Variants in MEX3D observed in about 807,000 individuals in gnomAD.
The protein encoded by MEX3D is RNA-binding protein MEX3D.
MEX3D carries 4 observed loss-of-function variants against 6.3 expected under a neutral mutation model. That is an observed-to-expected ratio of 0.64 (90% CI 0.31 to 1.46). MEX3D has a LOEUF of 1.46. Ranked by LOEUF, MEX3D falls within the 40% of genes most tolerant of loss-of-function variation. MEX3D has a pLI of 0.07. For synonymous variants in MEX3D, 626 were observed against 494.1 expected, an observed-to-expected ratio of 1.27 and a Z score of -3.54; for missense variants, 1,038 against 994.4, an observed-to-expected ratio of 1.04 and a Z score of -0.59.
chr19:1,555,442 TG>T lies in MEX3D; in HGVS notation c.*120del. 1.3e-5 allele frequency: 5 copies of T among 372,106 alleles called. No individual in the cohort carries two copies. Among genetic ancestry groups the T allele is most frequent in the South Asian group, 4.1e-5 (1 of 24,370 alleles). 23.1% of individuals were successfully genotyped at this position (372,106 alleles called of 1,614,324 possible). ...AAACACTGGCCGCCGCCCACCCCCC[TG>T]CCCCCTCGGCCTCCGCCCCTCGCCC... On this transcript the variant is annotated 3_prime_UTR_variant, in exon 2 of 2. Transcript: ENST00000402693.
Position 1,556,859 on chromosome 19 carries a change from C to G in MEX3D, c.660G>C (p.Glu220Asp). ...GGCCGGTCACGATGAAGACCGGCTC[C>G]TCGCCCCGCACTGGGGTCTTGATGT... is the stretch of plus-strand genomic sequence containing the variant. Reference protein sequence around the residue: ...NTYIKTPVRGEEPVFIVTGRK... With the variant: ...NTYIKTPVRGDEPVFIVTGRK... Residue 220 changes from glutamate (E) to aspartate (D), a missense_variant, in exon 2 of 2, where the codon GAG (glutamate) becomes GAC (aspartate). This residue lies in a region of MEX3D where 75 missense variants were observed against 125.1 expected (regional missense o/e 0.60). Transcript: ENST00000402693. The surrounding 1 kb of genome is among the most constrained non-coding windows in gnomAD (Gnocchi z 7.5). 6.2e-7 allele frequency: 1 copy of G among 1,612,560 alleles called. No homozygotes were observed. The highest frequency in any genetic ancestry group is 8.5e-7 in the Non-Finnish European group (1 of 1,179,828).
Position 1,556,969 on chromosome 19 carries a change from CGCA to C in MEX3D, c.596-49_596-47del, listed in dbSNP as rs748203414. On this transcript the variant is annotated intron_variant, in intron 1 of 1. Transcript: ENST00000402693. This position sits in a 1 kb window ranked among gnomAD's most constrained non-coding sequence, Gnocchi z 7.5. ...GGACAAGGTGACCCAGAGCCCCCTG[CGCA>C]GCTCAGCCCCGCTGGGCATGCAGGC... 1 of 1,544,118 alleles carries C rather than the reference CGCA, an allele frequency of 6.5e-7. No individual in the cohort carries two copies. Among genetic ancestry groups the C allele is most frequent in the Non-Finnish European group, 8.7e-7 (1 of 1,151,334 alleles).
At chr19:1,566,824 G>A (rs943158371) in intron 1 of MEX3D, among the ~76,000 whole-genome samples, 2 of 152,228 alleles carry the variant, frequency 1.3e-5, no homozygotes, top group South Asian at 4.1e-4. Flanking sequence ...CCCCACACCC[G>A]GGGCCTGCCG....
Position 1,567,753 on chromosome 19 carries a change from C to G in MEX3D, c.306G>C (p.Val102=). Residue 102 remains valine, a synonymous_variant, in exon 1 of 2, where the codon GTG becomes GTC. Coordinates refer to ENST00000402693, the MANE Select transcript of MEX3D (RefSeq NM_203304.4). This position sits in a 1 kb window ranked among gnomAD's most constrained non-coding sequence, Gnocchi z 6.5. ...GADGGAAPEP[V]PPDGPEAGAP... is the part of the protein sequence containing the mutation. The stretch of plus-strand genomic sequence containing the variant: ...CGCCGGCCTCAGGTCCGTCGGGGGG[C>G]ACAGGCTCCGGAGCCGCCCCGCCGT... The G allele has an allele frequency of 3.1e-6, 3 of 966,648 alleles. No individual in the cohort carries two copies. The highest frequency in any genetic ancestry group is 3.7e-6 in the Non-Finnish European group (3 of 808,400). The allele number at this position is 966,648 out of a possible 1,614,324, so 59.9% of individuals were successfully genotyped here. A position where few individuals can be genotyped will look rare whatever the true frequency, so the allele number is the denominator to read the frequency against.
At chr19:1,558,719 G>C (rs1396694018) in intron 1 of MEX3D, among the ~76,000 whole-genome samples, 1 of 152,222 alleles carries the variant, frequency 6.6e-6, no homozygotes, top group Non-Finnish European at 1.5e-5. Flanking sequence ...CCAAGACCCT[G>C]GCCTAAGGGG....
rs1319617214 is a variant in MEX3D at position 1,556,070 on chromosome 19, G to A, written c.1449C>T (p.Pro483=). ...TGACCGTGGAGCAGCCGCTGAAGGC[G>A]GGCAAGGGGGCGGCGCGCTCAAAAG... is the stretch of plus-strand genomic sequence containing the variant. ...WAPFERAAPL[P]AFSGCSTVNG... Residue 483 remains proline, a synonymous_variant, in exon 2 of 2, where the codon CCC becomes CCT. Transcript: ENST00000402693. This position sits in a 1 kb window ranked among gnomAD's most constrained non-coding sequence, Gnocchi z 7.5. 8 of 1,403,288 alleles carry A rather than the reference G, an allele frequency of 5.7e-6. No homozygotes were observed. The highest frequency in any genetic ancestry group is 6.5e-6 in the Non-Finnish European group (7 of 1,077,014). The allele number at this position is 1,403,288 out of a possible 1,614,324, so 86.9% of individuals were successfully genotyped here. A position where few individuals can be genotyped will look rare whatever the true frequency, so the allele number is the denominator to read the frequency against.
rs1914460900 is a variant in MEX3D, at chr19:1,554,688, G to A, written c.*875C>T. 1 of 152,358 alleles carries A rather than the reference G, an allele frequency of 6.6e-6. No individual in the cohort carries two copies. Among genetic ancestry groups the A allele is most frequent in the South Asian group, 2.1e-4 (1 of 4,826 alleles). 9.4% of individuals were successfully genotyped at this position (152,358 alleles called of 1,614,324 possible). On this transcript the variant is annotated 3_prime_UTR_variant, in exon 2 of 2. Transcript: ENST00000402693. ...GCCGTGTGCTCACATGTAGAAAAGAGGCTTTATTAAGAAGGCTTTGAAGTC... is the reference window on the plus strand; with the variant it reads ...GCCGTGTGCTCACATGTAGAAAAGAAGCTTTATTAAGAAGGCTTTGAAGTC...
chr19:1,559,307 A>G (rs2040041680), intron 1 of MEX3D, among the ~76,000 whole-genome samples: 1 of 151,666 alleles, frequency 6.6e-6, no homozygotes, highest in Admixed American at 6.6e-5. Flanking sequence ...AATTTTTTTT[A>G]TTTTTAGTAC....
intron 1 of MEX3D, among the ~76,000 whole-genome samples, chr19:1,565,987 C>G (rs1271486059): frequency 6.6e-6 from 1 of 152,256 alleles, no homozygotes. Flanking sequence ...GAGGCTCAGG[C>G]TCGTGCCTTT....
intron 1 of MEX3D, among the ~76,000 whole-genome samples, chr19:1,564,685 G>T (rs543526709): frequency 6.6e-6 from 1 of 152,008 alleles, no homozygotes; most frequent in Non-Finnish European, 1.5e-5. Flanking sequence ...AGAACAGCAC[G>T]TAGCTACTGG....
rs1427194023 is a variant in MEX3D at position 1,568,286 on chromosome 19, A to T, written c.-228T>A. Among the ~76,000 whole-genome samples the T allele has an allele frequency of 7.7e-6, 1 of 130,214 alleles. No homozygotes were observed. The highest frequency in any genetic ancestry group is 2.8e-5 in the African/African-American group (1 of 35,948). 85.4% of individuals were successfully genotyped at this position (130,214 alleles called of 152,430 possible). ...TGGCTGCGGCTCGGCGGCGGCGGCG[A>T]CGGCGGCGGCGGCTCCTCGGCGGCC... is the stretch of plus-strand genomic sequence containing the variant. On this transcript the variant is annotated 5_prime_UTR_variant, in exon 1 of 2. Coordinates refer to ENST00000402693, the MANE Select transcript of MEX3D (RefSeq NM_203304.4).
chr19:1,563,768 G>C (rs1054989762), intron 1 of MEX3D, among the ~76,000 whole-genome samples: 1 of 152,054 alleles, frequency 6.6e-6, no homozygotes, highest in African/African-American at 2.4e-5. Flanking sequence ...AATTTTCTTT[G>C]CTGACCCACC....
At position 1,556,098 on chromosome 19, in the gene MEX3D, G is replaced by A. The variant is rs1914540033; in HGVS notation, c.1421C>T (p.Ala474Val). ...CAAGGGGGCGGCGCGCTCAAAAGGCGCCCAGATGGTGGCCGCGGCGGGCAC... is the reference window on the plus strand; with the variant it reads ...CAAGGGGGCGGCGCGCTCAAAAGGCACCCAGATGGTGGCCGCGGCGGGCAC... ...LTVPAAATIW[A>V]PFERAAPLPA... Residue 474 changes from alanine to valine, a missense_variant, in exon 2 of 2, where the codon GCG becomes GTG. Physicochemically the swap from Ala to Val is moderately conservative, Grantham distance 64. Transcript: ENST00000402693. This position sits in a 1 kb window ranked among gnomAD's most constrained non-coding sequence, Gnocchi z 7.5. 1 of 1,444,552 alleles carries A rather than the reference G, an allele frequency of 6.9e-7. No homozygotes were observed. The highest frequency in any genetic ancestry group is 9.1e-7 in the Non-Finnish European group (1 of 1,098,146). The allele number at this position is 1,444,552 out of a possible 1,614,324, so 89.5% of individuals were successfully genotyped here.
Position 1,556,254 on chromosome 19 carries a change from C to G in MEX3D, c.1265G>C (p.Ser422Thr). The G allele has an allele frequency of 4.4e-6, 6 of 1,350,872 alleles. No homozygotes were observed. Among genetic ancestry groups the G allele is most frequent in the Non-Finnish European group, 5.7e-6 (6 of 1,056,376 alleles). The allele number at this position is 1,350,872 out of a possible 1,614,324, so 83.7% of individuals were successfully genotyped here. Residue 422 changes from serine to threonine, a missense_variant, in exon 2 of 2, where the codon AGC (serine) becomes ACC (threonine). Ser to Thr is a moderately conservative substitution (Grantham distance 58, BLOSUM62 1). This residue lies in a region of MEX3D where 581 missense variants were observed against 516.2 expected (regional missense o/e 1.13). Coordinates refer to ENST00000402693, the MANE Select transcript of MEX3D (RefSeq NM_203304.4). The surrounding 1 kb of genome is among the most constrained non-coding windows in gnomAD (Gnocchi z 7.5). ...CCCGTTGCCGGAGCCGCTGTAGGGGCTGGCGGGGCCTGGGTCCGGCACGGA... is the reference window on the plus strand; with the variant it reads ...CCCGTTGCCGGAGCCGCTGTAGGGGGTGGCGGGGCCTGGGTCCGGCACGGA... ...GPSVPDPGPA[S>T]PYSGSGNGGF...
Position 1,567,375 on chromosome 19 carries a change from C to T in MEX3D, c.595+89G>A. On this transcript the variant is annotated intron_variant, in intron 1 of 1. Coordinates refer to ENST00000402693, the MANE Select transcript of MEX3D (RefSeq NM_203304.4). The surrounding 1 kb of genome is among the most constrained non-coding windows in gnomAD (Gnocchi z 6.5). ...CGTGTCCGGTGCGGGGCGTCCGGCG[C>T]GGGCTGGGCTGGGCTCGGGCGACCC... is the stretch of plus-strand genomic sequence containing the variant. The T allele has an allele frequency of 7.4e-7, 1 of 1,351,398 alleles. No individual in the cohort carries two copies. The highest frequency in any genetic ancestry group is 9.5e-7 in the Non-Finnish European group (1 of 1,048,726). The allele number at this position is 1,351,398 out of a possible 1,614,324, so 83.7% of individuals were successfully genotyped here.
In MEX3D at chr19:1,555,161, A is replaced by T; in HGVS notation, c.*402T>A. ...TGAGACCGGCCGGCGAGAAAAGTCA[A>T]ATCAGAAAACGGCTTCGGACGAAAG... is the stretch of plus-strand genomic sequence containing the variant. On this transcript the variant is annotated 3_prime_UTR_variant, in exon 2 of 2. Coordinates refer to ENST00000402693, the MANE Select transcript of MEX3D (RefSeq NM_203304.4). 1.7e-6 allele frequency: 1 copy of T among 588,528 alleles called. No individual in the cohort carries two copies. The highest frequency in any genetic ancestry group is 2.6e-6 in the Non-Finnish European group (1 of 390,308). The allele number at this position is 588,528 out of a possible 1,614,324, so 36.5% of individuals were successfully genotyped here. A position where few individuals can be genotyped will look rare whatever the true frequency, so the allele number is the denominator to read the frequency against.
intron 1 of MEX3D, among the ~76,000 whole-genome samples, chr19:1,564,533 A>C (rs1003437591): frequency 7.9e-4 from 90 of 114,000 alleles, no homozygotes; most frequent in African/African-American, 2.0e-3. Flanking sequence ...ACTCCATCCC[A>C]AAAAAAAAAA....
intron 1 of MEX3D, among the ~76,000 whole-genome samples, chr19:1,565,620 G>A (rs1359012599): frequency 6.6e-6 from 1 of 152,202 alleles, no homozygotes; most frequent in Admixed American, 6.5e-5. Context: ...ACATCACAGA[G>A]AGGGGCCGTC....
chr19:1,567,508 G>C lies in MEX3D; in HGVS notation c.551C>G (p.Pro184Arg), dbSNP rs751836121. The C allele has an allele frequency of 5.2e-5, 81 of 1,572,562 alleles. No individual in the cohort carries two copies. In the South Asian group the frequency reaches 8.4e-4, roughly 16 times the overall value. Reference protein sequence around the residue: ...KKSVNMTECVPVPSSEHVAEI... With the variant: ...KKSVNMTECVRVPSSEHVAEI... ...GGCGACGTGCTCGGAGCTGGGCACCGGGACGCACTCGGTCATGTTGACGCT... is the reference window on the plus strand; with the variant it reads ...GGCGACGTGCTCGGAGCTGGGCACCCGGACGCACTCGGTCATGTTGACGCT... The change falls in exon 1 of 2, where the codon CCG (proline) becomes CGG (arginine). Residue 184 changes from proline (P) to arginine (R), a missense_variant. Around this residue, in one of 5 missense-constraint regions of MEX3D, gnomAD observed 75 missense variants for 125.1 expected, o/e 0.60. Transcript: ENST00000402693. This position sits in a 1 kb window ranked among gnomAD's most constrained non-coding sequence, Gnocchi z 6.5.
Sources: allele counts gnomAD v4.1 joint callset (sites outside exome capture counted in the v4.1 genomes callset), GRCh38; gene constraint gnomAD v4.1.1; regional missense constraint gnomAD v4.1.1; non-coding constraint Gnocchi (gnomAD v3.1); transcripts MANE v1.5; gene names NCBI Gene and HGNC (gene_info 2026-07-23, HGNC 2026-07-21).